Variants in NDUFS6 observed in about 807,000 individuals in gnomAD.
NDUFS6 encodes the protein NADH:ubiquinone oxidoreductase subunit S6.
NDUFS6 carries 14 observed loss-of-function variants against 13.2 expected under a neutral mutation model. The observed-to-expected ratio is 1.06, with a 90% CI of 0.70 to 1.66. NDUFS6 has a LOEUF of 1.66. Among genes scored for constraint, NDUFS6 ranks in the 40% most tolerant of loss-of-function variants. The pLI, the probability that NDUFS6 is intolerant of heterozygous loss-of-function variation, is 0.00. For missense variants in NDUFS6, 206 were observed against 170.8 expected (o/e 1.21, Z -1.15); for synonymous variants, 95 against 72.3 (o/e 1.31, Z -1.60).
At chr5:1,807,530 G>A (rs1734146248) in intron 2 of NDUFS6, among the ~76,000 whole-genome samples, 1 of 152,188 alleles carries the variant, frequency 6.6e-6, no homozygotes, top group East Asian at 1.9e-4. Context: ...TTCTGTGGCT[G>A]GTGTCGCTCA....
chr5:1,801,528 G>T lies in NDUFS6; in HGVS notation c.111G>T (p.Glu37Asp). ...GGGTGCGGGTCTCGCCGACCGGGGA[G>T]AAGGTCACGCACACTGGCCAGGTAA... ...CFGVRVSPTG[E>D]KVTHTGQVYD... The change falls in exon 1 of 4, where the codon GAG becomes GAT. Residue 37 changes from glutamate to aspartate, a missense_variant. By Grantham distance (45) the Glu-to-Asp change is conservative. Transcript: ENST00000274137. 6.3e-7 allele frequency: 1 copy of T among 1,593,618 alleles called. No individual in the cohort carries two copies. Among genetic ancestry groups the T allele is most frequent in the Non-Finnish European group, 8.5e-7 (1 of 1,176,510 alleles).
rs1038473996 is a variant in NDUFS6, at chr5:1,814,043, C to T, written c.187-296C>T. Among the ~76,000 whole-genome samples the T allele has an allele frequency of 2.6e-5, 4 of 152,288 alleles. No individual in the cohort carries two copies. The highest frequency in any genetic ancestry group is 7.2e-5 in the African/African-American group (3 of 41,548). Reference sequence around the variant, plus strand: ...GAACGATGTGGTGGGGAGAAGAGGGCGTGGCAGAGCCCACGGGGCACGTGT... The same window carrying T: ...GAACGATGTGGTGGGGAGAAGAGGGTGTGGCAGAGCCCACGGGGCACGTGT... On this transcript the variant is annotated intron_variant, in intron 2 of 3. Coordinates refer to ENST00000274137, the MANE Select transcript of NDUFS6 (RefSeq NM_004553.6). This position sits in a 1 kb window ranked among gnomAD's most constrained non-coding sequence, Gnocchi z 4.9.
chr5:1,807,287 G>A (rs1476146376), intron 2 of NDUFS6, among the ~76,000 whole-genome samples: 2 of 152,078 alleles, frequency 1.3e-5, no homozygotes, highest in Non-Finnish European at 2.9e-5. Context: ...GGGGCGGGGG[G>A]TGAATTTGGA....
chr5:1,805,832 C>A (rs1734113947), intron 2 of NDUFS6, among the ~76,000 whole-genome samples: 3 of 152,206 alleles, frequency 2.0e-5, no homozygotes, highest in Admixed American at 2.0e-4. Flanking sequence ...TTGGCGACAT[C>A]ATTTGCTTTT....
At chr5:1,812,683 G>A (rs1484360337) in intron 2 of NDUFS6, among the ~76,000 whole-genome samples, 3 of 151,320 alleles carry the variant, frequency 2.0e-5, no homozygotes, top group African/African-American at 7.3e-5. Context: ...GTGAAATGGT[G>A]TTTAGAGACC....
Position 1,814,873 on chromosome 5 carries a change from C to T in NDUFS6, c.309+412C>T, listed in dbSNP as rs113529995. ...GCTCTGTGGGTTCCTCCTGGGGCCT[C>T]GCTCCGGGGCTTGCAGATGAGGTCT... On this transcript the variant is annotated intron_variant, in intron 3 of 3. Transcript: ENST00000274137. This position sits in a 1 kb window ranked among gnomAD's most constrained non-coding sequence, Gnocchi z 4.9. 3.5e-4 allele frequency among the ~76,000 whole-genome samples: 54 copies of T among 152,298 alleles called. No homozygotes were observed. The highest frequency in any genetic ancestry group is 1.2e-3 in the African/African-American group (50 of 41,550).
intron 2 of NDUFS6, among the ~76,000 whole-genome samples, chr5:1,805,005 C>T (rs1368679040): frequency 6.6e-6 from 1 of 152,210 alleles, no homozygotes; most frequent in Non-Finnish European, 1.5e-5. Flanking sequence ...CCTGATCGTA[C>T]TGTCCTCTAG....
chr5:1,815,124 T>C (rs1734288094), intron 3 of NDUFS6, among the ~76,000 whole-genome samples: 1 of 152,020 alleles, frequency 6.6e-6, no homozygotes, highest in African/African-American at 2.4e-5. Flanking sequence ...TGCCTGTTGA[T>C]GAGTGTCATA....
intron 2 of NDUFS6, among the ~76,000 whole-genome samples, chr5:1,810,743 A>G (rs1263822905): frequency 6.6e-6 from 1 of 151,598 alleles, no homozygotes; most frequent in Non-Finnish European, 1.5e-5. Flanking sequence ...CGGAGTGGCC[A>G]GTCCGGCTCA....
intron 2 of NDUFS6, 125 bp downstream of exon 2, chr5:1,802,499 C>G: frequency 1.4e-6 from 1 of 712,994 alleles, no homozygotes; most frequent in East Asian, 2.8e-5. Flanking sequence ...CCTAACAGTT[C>G]TGGATGGGGT....
At chr5:1,803,763 C>A (rs1479653328) in intron 2 of NDUFS6, among the ~76,000 whole-genome samples, 1 of 152,214 alleles carries the variant, frequency 6.6e-6, no homozygotes, top group Non-Finnish European at 1.5e-5. Flanking sequence ...CCCAGTGATT[C>A]ACACAAAGGA....
In NDUFS6 at chr5:1,801,501, C is replaced by G; in HGVS notation, c.84C>G (p.Phe28Leu). The change falls in exon 1 of 4, where the codon TTC (phenylalanine) becomes TTG (leucine). Residue 28 changes from phenylalanine to leucine, a missense_variant. Transcript: ENST00000274137. ...GCCTGCCCCTGGGCGCCAGGTGTTT[C>G]GGGGTGCGGGTCTCGCCGACCGGGG... ...ARSLPLGARC[F>L]GVRVSPTGEK... 1 of 1,601,302 alleles carries G rather than the reference C, an allele frequency of 6.2e-7. No individual in the cohort carries two copies. The highest frequency in any genetic ancestry group is 8.5e-7 in the Non-Finnish European group (1 of 1,178,608).
Position 1,815,940 on chromosome 5 carries a change from C to G in NDUFS6, c.*24C>G, listed in dbSNP as rs377502429. The G allele has an allele frequency of 6.2e-7, 1 of 1,613,886 alleles. No homozygotes were observed. Among genetic ancestry groups the G allele is most frequent in the South Asian group, 1.1e-5 (1 of 91,086 alleles). On this transcript the variant is annotated 3_prime_UTR_variant, in exon 4 of 4. Transcript: ENST00000274137. The stretch of plus-strand genomic sequence containing the variant: ...AGAGCGTGTGGCACGCCGGGGGTCC[C>G]GCAGCATCCTGTGAGCATTTCCGCG...
chr5:1,802,013 C>A (rs995238458), intron 1 of NDUFS6: 2 of 438,442 alleles, frequency 4.6e-6, no homozygotes, highest in African/African-American at 2.0e-5. Context: ...GATAGTAAAG[C>A]TCTCAGGCCA....
At chr5:1,813,176 C>T (rs1734247852) in intron 2 of NDUFS6, among the ~76,000 whole-genome samples, 1 of 152,188 alleles carries the variant, frequency 6.6e-6, no homozygotes, top group South Asian at 2.1e-4. Context: ...CTATTTCCTT[C>T]CCCACACTGA....
intron 2 of NDUFS6, among the ~76,000 whole-genome samples, chr5:1,806,919 G>GGATAAGCAAAATGT (rs1486305151): frequency 1.3e-5 from 2 of 152,142 alleles, no homozygotes; most frequent in African/African-American, 2.4e-5. Flanking sequence ...TCAGCTGAAC[G>GGATAAGCAAAATGT]GATAAGCAAA....
In NDUFS6 at chr5:1,814,600, C is replaced by A; in HGVS notation, c.309+139C>A. On this transcript the variant is annotated intron_variant, in intron 3 of 3. Transcript: ENST00000274137. The surrounding 1 kb of genome is among the most constrained non-coding windows in gnomAD (Gnocchi z 4.9). ...CCTTACGGGGTTCACACTGCTGGCA[C>A]ATTCACCCTACAGCGCCACACTACA... The A allele has an allele frequency of 7.7e-7, 1 of 1,301,980 alleles. No homozygotes were observed. Among genetic ancestry groups the A allele is most frequent in the Non-Finnish European group, 1.1e-6 (1 of 927,480 alleles). 80.7% of individuals were successfully genotyped at this position (1,301,980 alleles called of 1,614,324 possible).
chr5:1,809,437 C>G (rs535972034), intron 2 of NDUFS6, among the ~76,000 whole-genome samples: 1 of 152,182 alleles, frequency 6.6e-6, no homozygotes, highest in Admixed American at 6.5e-5. Flanking sequence ...CGTGTGAACC[C>G]GGAGCCGGGC....
intron 2 of NDUFS6, among the ~76,000 whole-genome samples, chr5:1,808,252 C>T (rs756308695): frequency 2.0e-5 from 3 of 152,264 alleles, no homozygotes; most frequent in East Asian, 1.9e-4. Flanking sequence ...GCGGGCGGTG[C>T]GATGTGCGCC....
Sources: gnomAD v4.1 joint callset for allele counts (sites outside exome capture counted in the v4.1 genomes callset) on GRCh38, gnomAD v4.1.1 for gene constraint, Gnocchi (gnomAD v3.1) non-coding constraint, MANE v1.5 for transcripts, NCBI Gene and HGNC (gene_info 2026-07-23, HGNC 2026-07-21) for gene names.